Variants in CSN2 observed in about 807,000 individuals in gnomAD.
CSN2 encodes casein beta.
CSN2 carries 27 observed loss-of-function variants against 27.3 expected under a neutral mutation model. That is an observed-to-expected ratio of 0.99 (90% CI 0.73 to 1.36). CSN2 has a LOEUF of 1.36. Among genes scored for constraint, CSN2 ranks in the 40% most tolerant of loss-of-function variants. The probability of loss-of-function intolerance (pLI) is 0.00; values close to 1 mark genes in which losing one functional copy is unlikely to be tolerated. For missense variants in CSN2, 333 were observed against 264.5 expected (o/e 1.26, Z -1.80); for synonymous variants, 131 against 94.8 (o/e 1.38, Z -2.22).
intron 2 of CSN2, 23 bp from the exon 3 acceptor site, chr4:69,960,102 A>G (rs373491998): frequency 4.4e-6 from 7 of 1,607,984 alleles, no homozygotes; most frequent in South Asian, 2.2e-5. Flanking sequence ...AAAATTGACA[A>G]CCAGCTAAAT....
intron 1 of CSN2, among the ~76,000 whole-genome samples, chr4:69,961,249 C>T (rs998048727): frequency 2.0e-5 from 3 of 152,090 alleles, no homozygotes; most frequent in African/African-American, 4.8e-5. Context: ...GCCAGCTATT[C>T]AGATTTTTCA....
At chr4:69,957,029 G>A (rs1342901597) in intron 6 of CSN2, among the ~76,000 whole-genome samples, 1 of 152,074 alleles carries the variant, frequency 6.6e-6, no homozygotes, top group East Asian at 1.9e-4. Flanking sequence ...GGTAGGGATA[G>A]CATTAGGAGA....
Position 69,957,703 on chromosome 4 carries a change from C to T in CSN2, c.246G>A (p.Leu82=), listed in dbSNP as rs1578143504. ...GCACCACAGCAGGCTGAGCAAGAGGCAGAATGTTTTGTGGAAGAAAACCAT... is the reference window on the plus strand; with the variant it reads ...GCACCACAGCAGGCTGAGCAAGAGGTAGAATGTTTTGTGGAAGAAAACCAT... ...IPYGFLPQNI[L]PLAQPAVVLP... The change falls in exon 6 of 8, where the codon CTG becomes CTA. Residue 82 remains leucine, a synonymous_variant. Transcript: ENST00000353151. The T allele has an allele frequency of 1.2e-6, 2 of 1,613,848 alleles. No individual in the cohort carries two copies.
chr4:69,964,155 C>A (rs1723714662), intron 1 of CSN2, among the ~76,000 whole-genome samples: 1 of 152,078 alleles, frequency 6.6e-6, no homozygotes. Flanking sequence ...CTCCTTTATG[C>A]CACATGACTT....
intron 1 of CSN2, among the ~76,000 whole-genome samples, chr4:69,961,245 T>C (rs762183999): frequency 3.9e-5 from 6 of 152,156 alleles, no homozygotes; most frequent in Non-Finnish European, 8.8e-5. Context: ...CATTGCCAGC[T>C]ATTCAGATTT....
chr4:69,960,138 T>G, intron 2 of CSN2, 59 bp from the exon 3 acceptor site: 4 of 1,464,240 alleles, frequency 2.7e-6, no homozygotes, highest in Non-Finnish European at 2.9e-6. Flanking sequence ...AGAATTTTAC[T>G]ATTTTATGGT....
At chr4:69,962,586 A>T (rs1723634781) in intron 1 of CSN2, among the ~76,000 whole-genome samples, 1 of 152,210 alleles carries the variant, frequency 6.6e-6, no homozygotes, top group Admixed American at 6.5e-5. Flanking sequence ...AAATTAATTC[A>T]AGGTGGATTA....
intron 1 of CSN2, among the ~76,000 whole-genome samples, chr4:69,963,135 G>A (rs1241437957): frequency 6.6e-6 from 1 of 152,068 alleles, no homozygotes; most frequent in Non-Finnish European, 1.5e-5. Flanking sequence ...TACACTGTTG[G>A]TGGGACTGTA....
chr4:69,960,315 G>A (rs2109745170), intron 2 of CSN2, among the ~76,000 whole-genome samples: 1 of 151,902 alleles, frequency 6.6e-6, no homozygotes. Context: ...ACAAATTTGA[G>A]AAATAAAAAA....
chr4:69,962,113 G>A (rs1723613631), intron 1 of CSN2, among the ~76,000 whole-genome samples: 1 of 152,128 alleles, frequency 6.6e-6, no homozygotes, highest in Non-Finnish European at 1.5e-5. Flanking sequence ...AACATTCCAT[G>A]CTCATGGGTA....
chr4:69,959,595 G>T (rs118023479), intron 3 of CSN2, among the ~76,000 whole-genome samples: 1 of 151,844 alleles, frequency 6.6e-6, no homozygotes, highest in East Asian at 1.9e-4. Context: ...ACTAAATCTC[G>T]CTTATTTACT....
At chr4:69,960,395 T>C (rs1189822093) in intron 2 of CSN2, among the ~76,000 whole-genome samples, 1 of 151,456 alleles carries the variant, frequency 6.6e-6, no homozygotes, top group East Asian at 1.9e-4. Flanking sequence ...TCTATTAATA[T>C]ATTTTTATCT....
intron 2 of CSN2, among the ~76,000 whole-genome samples, chr4:69,960,397 T>C (rs1022938121): frequency 2.6e-5 from 4 of 151,380 alleles, no homozygotes; most frequent in African/African-American, 9.7e-5. Context: ...TATTAATATA[T>C]TTTTATCTTA....
intron 7 of CSN2, among the ~76,000 whole-genome samples, 158 bp from the exon 8 acceptor site, chr4:69,955,750 C>G (rs1723375374): frequency 6.6e-6 from 1 of 152,044 alleles, no homozygotes; most frequent in Admixed American, 6.6e-5. Flanking sequence ...GTTCACCAAA[C>G]TTCACCAAAG....
rs1723396403 is a variant in CSN2 at position 69,956,346 on chromosome 4, C to A, written c.*4G>T. ...AAGGAGGGAAAATTAACTTTGAAAT[C>A]TTCTTAGACCTTAAAAATAAACAGA... On this transcript the variant is annotated 3_prime_UTR_variant, in exon 7 of 8. Coordinates refer to ENST00000353151, the MANE Select transcript of CSN2 (RefSeq NM_001891.4). 2 of 1,411,834 alleles carry A rather than the reference C, an allele frequency of 1.4e-6. No individual in the cohort carries two copies. Among genetic ancestry groups the A allele is most frequent in the Admixed American group, 2.6e-5 (1 of 38,542 alleles). 87.5% of individuals were successfully genotyped at this position (1,411,834 alleles called of 1,614,324 possible). A position where few individuals can be genotyped will look rare whatever the true frequency, so the allele number is the denominator to read the frequency against.
chr4:69,956,090 C>A (rs955361734), intron 7 of CSN2, among the ~76,000 whole-genome samples: 15 of 151,816 alleles, frequency 9.9e-5, no homozygotes, highest in Admixed American at 9.2e-4. Context: ...GCAAGCCAGT[C>A]AAATCTGTCA....
At chr4:69,960,436 GT>G (rs1723537065) in intron 2 of CSN2, among the ~76,000 whole-genome samples, 1 of 150,432 alleles carries the variant, frequency 6.6e-6, no homozygotes, top group African/African-American at 2.4e-5. Context: ...TTTTTTATGG[GT>G]AAAAGAAGAG....
chr4:69,958,160 G>A (rs905469023), intron 5 of CSN2, among the ~76,000 whole-genome samples: 11 of 152,104 alleles, frequency 7.2e-5, no homozygotes, highest in African/African-American at 2.7e-4. Flanking sequence ...GCCAATAGTA[G>A]ACCAAATTGT....
In CSN2 at chr4:69,957,769, C is replaced by T. The variant is rs1723453954; in HGVS notation, c.180G>A (p.Gln60=). ...CGAATGGATAGATCAGAGGCTGTGG[C>T]TGGAAAGAGGGGTAGATTTTATCCT... is the stretch of plus-strand genomic sequence containing the variant. ...EHQDKIYPSF[Q]PQPLIYPFVE... is the part of the protein sequence containing the mutation. Residue 60 remains glutamine, a synonymous_variant, in exon 6 of 8, where the codon CAG becomes CAA. Coordinates refer to ENST00000353151, the MANE Select transcript of CSN2 (RefSeq NM_001891.4). 2 of 1,613,600 alleles carry T rather than the reference C, an allele frequency of 1.2e-6. No homozygotes were observed. The highest frequency in any genetic ancestry group is 1.7e-6 in the Non-Finnish European group (2 of 1,179,822).
Sources: allele counts gnomAD v4.1 joint callset (sites outside exome capture counted in the v4.1 genomes callset), GRCh38; gene constraint gnomAD v4.1.1; transcripts MANE v1.5; gene names NCBI Gene and HGNC (gene_info 2026-07-23, HGNC 2026-07-21).